The following C2CD5 variants were observed in gnomAD, a reference collection of about 807,000 sequenced individuals.
C2CD5 encodes the protein C2 domain-containing protein 5.
Under a neutral mutation model 130.3 loss-of-function variants are expected in C2CD5, and 109 were observed. The observed-to-expected ratio is 0.84, with a 90% confidence interval of 0.72 to 0.98. C2CD5 has a LOEUF of 0.98. Among genes scored for constraint, C2CD5 ranks in the 50% least tolerant of loss-of-function variants. The pLI, the probability that C2CD5 is intolerant of heterozygous loss-of-function variation, is 0.00. For missense variants in C2CD5, 996 were observed against 1,261.8 expected, an observed-to-expected ratio of 0.79 and a Z score of 3.19; for synonymous variants, 454 against 429.2, an observed-to-expected ratio of 1.06 and a Z score of -0.71.
At chr12:22,542,378 C>T (rs1245167145) in intron 2 of C2CD5, among the ~76,000 whole-genome samples, 3 of 152,242 alleles carry the variant, frequency 2.0e-5, no homozygotes, top group Non-Finnish European at 4.4e-5. Flanking sequence ...GCTTCCTTGT[C>T]GCTCCTTATA....
intron 10 of C2CD5, among the ~76,000 whole-genome samples, chr12:22,505,385 T>C (rs987958609): frequency 4.6e-5 from 7 of 151,704 alleles, no homozygotes; most frequent in African/African-American, 1.7e-4. Context: ...GCTTCCCAAG[T>C]AGCTGGGATT....
chr12:22,480,547 G>A (rs1450485298), intron 14 of C2CD5, among the ~76,000 whole-genome samples: 1 of 152,216 alleles, frequency 6.6e-6, no homozygotes, highest in Non-Finnish European at 1.5e-5. Flanking sequence ...GGCAAGTCTT[G>A]AATTACATCA....
At chr12:22,493,939 C>A (rs1315450105) in intron 10 of C2CD5, among the ~76,000 whole-genome samples, 1 of 150,864 alleles carries the variant, frequency 6.6e-6, no homozygotes, top group Non-Finnish European at 1.5e-5. Flanking sequence ...AAAATATTAA[C>A]ACAAATAATT....
intron 7 of C2CD5, among the ~76,000 whole-genome samples, chr12:22,519,639 A>G (rs2136974498): frequency 6.6e-6 from 1 of 152,272 alleles, no homozygotes; most frequent in East Asian, 1.9e-4. Flanking sequence ...AGTCAAATAT[A>G]AAGTTCTTAT....
At chr12:22,486,066 C>T (rs1591802026) in intron 12 of C2CD5, among the ~76,000 whole-genome samples, 1 of 151,758 alleles carries the variant, frequency 6.6e-6, no homozygotes, top group East Asian at 1.9e-4. Context: ...TTTCCTAATA[C>T]ACATCTTATA....
chr12:22,511,417 G>A (rs982056961), intron 9 of C2CD5, among the ~76,000 whole-genome samples: 1 of 152,146 alleles, frequency 6.6e-6, no homozygotes, highest in African/African-American at 2.4e-5. Flanking sequence ...GAAAGCCAAA[G>A]ATGATAATGC....
In C2CD5 at chr12:22,458,527, A is replaced by G; in HGVS notation, c.2643T>C (p.Ile881=). 7.6e-7 allele frequency: 1 copy of G among 1,309,728 alleles called. No homozygotes were observed. Among genetic ancestry groups the G allele is most frequent in the Non-Finnish European group, 9.7e-7 (1 of 1,026,598 alleles). The allele number at this position is 1,309,728 out of a possible 1,614,324, so 81.1% of individuals were successfully genotyped here. A position where few individuals can be genotyped will look rare whatever the true frequency, so the allele number is the denominator to read the frequency against. ...ADRCSSWIEL[I]KLKAQTIRRG... is the part of the protein sequence containing the mutation. ...GCCTTATGGTCTGAGCTTTCAGTTT[A>G]ATGAGCTCTATCCAGCTGCTGCATC... Residue 881 remains isoleucine (I), a synonymous_variant, in exon 24 of 27, where the codon ATT becomes ATC. Coordinates refer to ENST00000446597, the MANE Select transcript of C2CD5 (RefSeq NM_001286176.2).
chr12:22,501,124 TAA>T (rs764971577), intron 10 of C2CD5, among the ~76,000 whole-genome samples: 12 of 152,222 alleles, frequency 7.9e-5, no homozygotes, highest in Non-Finnish European at 1.6e-4. Context: ...GAAGATATAC[TAA>T]GTCTTACCAG....
intron 10 of C2CD5, among the ~76,000 whole-genome samples, chr12:22,500,367 T>C (rs532874883): frequency 1.6e-4 from 25 of 152,298 alleles, no homozygotes; most frequent in African/African-American, 6.0e-4. Context: ...GACATTGTTT[T>C]GTAAATGCTA....
In C2CD5 at chr12:22,535,316, G is replaced by T; in HGVS notation, c.119C>A (p.Thr40Lys). The change falls in exon 3 of 27, where the codon ACA becomes AAA. Residue 40 changes from threonine to lysine, a missense_variant. Around this residue, in one of 9 missense-constraint regions of C2CD5, gnomAD observed 68 missense variants for 154.5 expected, o/e 0.44. Coordinates refer to ENST00000446597, the MANE Select transcript of C2CD5 (RefSeq NM_001286176.2). ...EVKFGNTTFK[T>K]DVYLKSLNPQ... ...GTTGAGTGACTTAAGGTACACATCT[G>T]TTTTAAAGGTGGTATTACCAAATTT... 1 of 1,601,276 alleles carries T rather than the reference G, an allele frequency of 6.2e-7. No homozygotes were observed. The highest frequency in any genetic ancestry group is 8.6e-7 in the Non-Finnish European group (1 of 1,169,126).
intron 15 of C2CD5, chr12:22,478,011 T>TCACACA (rs543658384): frequency 3.5e-6 from 1 of 283,870 alleles, no homozygotes; most frequent in East Asian, 8.3e-5. Flanking sequence ...ACACACACAC[T>TCACACA]CACACACACA....
intron 2 of C2CD5, among the ~76,000 whole-genome samples, chr12:22,543,771 T>C (rs1019042475): frequency 2.0e-5 from 3 of 152,134 alleles, no homozygotes; most frequent in Non-Finnish European, 2.9e-5. Flanking sequence ...CCTTGGGATC[T>C]CCTGAGTGGC....
Position 22,518,069 on chromosome 12 carries a change from T to TG in C2CD5, c.868dup (p.Gln290ProfsTer19). 6.2e-7 allele frequency: 1 copy of TG among 1,613,896 alleles called. No homozygotes were observed. Among genetic ancestry groups the TG allele is most frequent in the Non-Finnish European group, 8.5e-7 (1 of 1,179,794 alleles). On this transcript the variant is annotated frameshift_variant, in exon 8 of 27. Coordinates refer to ENST00000446597, the MANE Select transcript of C2CD5 (RefSeq NM_001286176.2). LOFTEE classifies it high-confidence loss of function. ...CTTGGAAGGTGAAAAGGAATAAGTT[T>TG]GGTTTTTCAGAGGGGTTGAGGGTCC... is the stretch of plus-strand genomic sequence containing the variant.
chr12:22,513,194 G>T, intron 9 of C2CD5, 100 bp downstream of exon 9: 1 of 835,684 alleles, frequency 1.2e-6, no homozygotes, highest in Non-Finnish European at 1.9e-6. Flanking sequence ...TTATAGATAT[G>T]TAACCAAAAC....
intron 22 of C2CD5, among the ~76,000 whole-genome samples, chr12:22,461,592 AAGAC>A (rs1209577910): frequency 1.3e-5 from 2 of 152,192 alleles, no homozygotes; most frequent in African/African-American, 2.4e-5. Flanking sequence ...GTATCTTTGA[AAGAC>A]AGACAGTAAA....
intron 16 of C2CD5, 87 bp downstream of exon 16, chr12:22,474,664 A>G: frequency 1.1e-6 from 1 of 921,492 alleles, no homozygotes. Flanking sequence ...TTGTAATGAT[A>G]TAAAAGTATC....
chr12:22,485,252 T>C (rs940390607), intron 12 of C2CD5, among the ~76,000 whole-genome samples: 1 of 151,852 alleles, frequency 6.6e-6, no homozygotes, highest in African/African-American at 2.4e-5. Flanking sequence ...GGTTGACAAA[T>C]ATAACCACAA....
At chr12:22,544,037 T>C in intron 2 of C2CD5, 24 bp downstream of exon 2, 1 of 1,572,152 alleles carries the variant, frequency 6.4e-7, no homozygotes, top group South Asian at 1.1e-5. Context: ...CCCTGTGTTT[T>C]GAGGGGCAGG....
At chr12:22,466,965 G>A (rs1273517354) in intron 22 of C2CD5, among the ~76,000 whole-genome samples, 1 of 152,100 alleles carries the variant, frequency 6.6e-6, no homozygotes, top group Non-Finnish European at 1.5e-5. Context: ...TACAGAAGAT[G>A]GATATATAAA....
Sources: allele counts gnomAD v4.1 joint callset (sites outside exome capture counted in the v4.1 genomes callset), GRCh38; gene constraint gnomAD v4.1.1; regional missense constraint gnomAD v4.1.1; transcripts MANE v1.5; gene names NCBI Gene and HGNC (gene_info 2026-07-23, HGNC 2026-07-21).